The following PPL variants were observed in gnomAD, a reference collection of about 807,000 sequenced individuals.
PPL encodes the protein 190 kDa paraneoplastic pemphigus antigen.
Under a neutral mutation model 194.4 loss-of-function variants are expected in PPL, and 198 were observed. That is an observed-to-expected ratio of 1.02 (90% CI 0.91 to 1.15). PPL has a LOEUF of 1.15. Ranked by LOEUF, PPL falls within the 50% of genes most tolerant of loss-of-function variation. PPL has a pLI of 0.00. For missense variants in PPL, 2,885 were observed against 2,294.8 expected, an observed-to-expected ratio of 1.26 and a Z score of -5.25; for synonymous variants, 1,220 against 972.4, an observed-to-expected ratio of 1.25 and a Z score of -4.74.
chr16:4,896,692 T>C (rs1156532672), intron 9 of PPL, among the ~76,000 whole-genome samples: 1 of 144,778 alleles, frequency 6.9e-6, no homozygotes, highest in Non-Finnish European at 1.5e-5. Context: ...CAGGCTGGAG[T>C]GCAATGGCGC....
intron 14 of PPL, 30 bp downstream of exon 14, chr16:4,893,183 G>A: frequency 6.6e-7 from 1 of 1,509,838 alleles, no homozygotes; most frequent in Non-Finnish European, 8.9e-7. Context: ...GGCTCCCCCG[G>A]CCCCACCTGT....
Position 4,890,271 on chromosome 16 carries a change from C to T in PPL, c.2226G>A (p.Val742=). 1 of 1,614,208 alleles carries T rather than the reference C, an allele frequency of 6.2e-7. No individual in the cohort carries two copies. Among genetic ancestry groups the T allele is most frequent in the Non-Finnish European group, 8.5e-7 (1 of 1,180,032 alleles). The change falls in exon 18 of 22, where the codon GTG becomes GTA. Residue 742 remains valine (V), a synonymous_variant. Transcript: ENST00000345988. The stretch of plus-strand genomic sequence containing the variant: ...TGGGGATGCTGACTAGGAACTGCAG[C>T]ACGTGGTCATGGCCGCGGTGGAAGT... The part of the protein sequence containing the change: ...YEHFHRGHDH[V]LQFLVSIPSY...
At chr16:4,922,046 C>T (rs558268680) in intron 1 of PPL, among the ~76,000 whole-genome samples, 1 of 152,294 alleles carries the variant, frequency 6.6e-6, no homozygotes, top group East Asian at 1.9e-4. Flanking sequence ...GTCTCTCTTC[C>T]TGCTTTAATT....
chr16:4,915,347 G>A (rs971431853), intron 1 of PPL, among the ~76,000 whole-genome samples: 3 of 152,248 alleles, frequency 2.0e-5, no homozygotes, highest in African/African-American at 7.2e-5. Flanking sequence ...TCAGGCAAGT[G>A]CCCTACCCTC....
At position 4,926,387 on chromosome 16, in the gene PPL, C is replaced by T. The variant is rs540723664; in HGVS notation, c.62+10597G>A. ...AACAGGCCCTTCACCATTAACAAGCCCCCAGAGATATGAATTGTCCACATG... is the reference window on the plus strand; with the variant it reads ...AACAGGCCCTTCACCATTAACAAGCTCCCAGAGATATGAATTGTCCACATG... On this transcript the variant is annotated intron_variant, in intron 1 of 21. Coordinates refer to ENST00000345988, the MANE Select transcript of PPL (RefSeq NM_002705.5). 9.2e-5 allele frequency among the ~76,000 whole-genome samples: 14 copies of T among 152,278 alleles called. No individual in the cohort carries two copies. In the South Asian group the frequency reaches 2.3e-3, roughly 25 times the overall value.
chr16:4,926,893 C>CAAAAAA (rs906386976), intron 1 of PPL, among the ~76,000 whole-genome samples: 3 of 110,394 alleles, frequency 2.7e-5, no homozygotes, highest in Non-Finnish European at 5.2e-5. Flanking sequence ...AAAAAAAAAA[C>CAAAAAA]AAAAAAAAAC....
Position 4,883,586 on chromosome 16 carries a change from C to T in PPL, c.5069G>A (p.Ser1690Asn), listed in dbSNP as rs749502549. The stretch of plus-strand genomic sequence containing the variant: ...GATCTCCTCCCAGTCGCACTCCTGG[C>T]TTCTGAGTTTCACGAACATGTTCCA... ...IDWNMFVKLRSQECDWEEISV... is the reference protein window; with the variant it reads ...IDWNMFVKLRNQECDWEEISV... Residue 1690 changes from serine (S) to asparagine (N), a missense_variant, in exon 22 of 22, where the codon AGC becomes AAC. Physicochemically the swap from Ser to Asn is conservative, Grantham distance 46 (BLOSUM62 1). Coordinates refer to ENST00000345988, the MANE Select transcript of PPL (RefSeq NM_002705.5). The surrounding 1 kb of genome is among the most constrained non-coding windows in gnomAD (Gnocchi z 4.8). The T allele has an allele frequency of 3.7e-5, 60 of 1,614,074 alleles. No individual in the cohort carries two copies. In the East Asian group the frequency reaches 1.3e-3, roughly 35 times the overall value.
intron 6 of PPL, among the ~76,000 whole-genome samples, chr16:4,899,762 G>C (rs538847014): frequency 6.6e-6 from 1 of 152,176 alleles, no homozygotes; most frequent in Non-Finnish European, 1.5e-5. Flanking sequence ...ACCTCACAGC[G>C]TACAGAGACT....
In PPL at chr16:4,883,259, G is replaced by T; in HGVS notation, c.*125C>A. 2 of 1,338,682 alleles carry T rather than the reference G, an allele frequency of 1.5e-6. No homozygotes were observed. Among genetic ancestry groups the T allele is most frequent in the Non-Finnish European group, 2.1e-6 (2 of 970,112 alleles). The allele number at this position is 1,338,682 out of a possible 1,614,324, so 82.9% of individuals were successfully genotyped here. On this transcript the variant is annotated 3_prime_UTR_variant, in exon 22 of 22. Transcript: ENST00000345988. This position sits in a 1 kb window ranked among gnomAD's most constrained non-coding sequence, Gnocchi z 4.8. ...TGTGGGCGGGACTCTGAGCAGCCTG[G>T]CAGCGAGGGTATGTATAAAATGCTT... is the stretch of plus-strand genomic sequence containing the variant.
Position 4,882,958 on chromosome 16 carries a change from C to T in PPL, c.*426G>A, listed in dbSNP as rs1365932600. On this transcript the variant is annotated 3_prime_UTR_variant, in exon 22 of 22. Coordinates refer to ENST00000345988, the MANE Select transcript of PPL (RefSeq NM_002705.5). ...GAGAGATGTCATGCCAGGCAGCAGC[C>T]CCCACGGGCCCAGGCCTTTGTGGGG... The T allele has an allele frequency of 2.0e-5, 4 of 195,456 alleles. No homozygotes were observed. The highest frequency in any genetic ancestry group is 4.2e-5 in the Non-Finnish European group (4 of 95,984). The allele number at this position is 195,456 out of a possible 1,614,324, so 12.1% of individuals were successfully genotyped here.
chr16:4,900,939 C>T (rs2075635), intron 5 of PPL, 25 bp downstream of exon 5: 109,270 of 1,613,934 alleles, frequency 0.068, 4,086 homozygotes, highest in Non-Finnish European at 0.07. Context: ...TCCCTGGGTC[C>T]CCACCACACC....
chr16:4,888,769 C>T, intron 19 of PPL: 5 of 539,270 alleles, frequency 9.3e-6, no homozygotes, highest in East Asian at 2.7e-5. Flanking sequence ...TTTACTGCTT[C>T]AGAGTATAAA....
intron 1 of PPL, among the ~76,000 whole-genome samples, chr16:4,927,787 G>A (rs1459935297): frequency 1.3e-5 from 2 of 152,216 alleles, no homozygotes; most frequent in African/African-American, 2.4e-5. Flanking sequence ...AGGCCGCCCT[G>A]CCTCCAGGCC....
chr16:4,910,961 A>G lies in PPL; in HGVS notation c.63-12T>C. On this transcript the variant is annotated splice_polypyrimidine_tract_variant and intron_variant, in intron 1 of 21. Coordinates refer to ENST00000345988, the MANE Select transcript of PPL (RefSeq NM_002705.5). ...CCTTGTTAGAGATGCTGCGGGCAGA[A>G]GCCGAGGGGAGATGGGCGGGGTGCC... The G allele has an allele frequency of 6.2e-7, 1 of 1,608,142 alleles. No individual in the cohort carries two copies. The highest frequency in any genetic ancestry group is 8.5e-7 in the Non-Finnish European group (1 of 1,178,314).
Position 4,884,245 on chromosome 16 carries a change from C to T in PPL, c.4410G>A (p.Gln1470=). 2 of 1,613,436 alleles carry T rather than the reference C, an allele frequency of 1.2e-6. No individual in the cohort carries two copies. Among genetic ancestry groups the T allele is most frequent in the Non-Finnish European group, 1.7e-6 (2 of 1,179,864 alleles). The stretch of plus-strand genomic sequence containing the variant: ...CCCCCTCCAGGAGCTGCCGCCGGTG[C>T]TGCTCTTCTTCCAGCTGGAGTCGGA... ...ALLRLQLEEE[Q]HRRQLLEGEL... The change falls in exon 22 of 22, where the codon CAG becomes CAA. Residue 1470 remains glutamine (Q), a synonymous_variant. Transcript: ENST00000345988. The surrounding 1 kb of genome is among the most constrained non-coding windows in gnomAD (Gnocchi z 5.7).
intron 3 of PPL, among the ~76,000 whole-genome samples, chr16:4,903,539 G>C (rs1314001056): frequency 1.3e-5 from 2 of 152,066 alleles, no homozygotes; most frequent in East Asian, 3.9e-4. Flanking sequence ...GGCCAACATG[G>C]AGAAACCCTG....
chr16:4,891,481 G>T (rs1212029949), intron 16 of PPL: 2 of 201,132 alleles, frequency 9.9e-6, no homozygotes, highest in Non-Finnish European at 1.9e-5. Flanking sequence ...GTCTTGCAAC[G>T]TTGTCCAGGC....
chr16:4,892,244 C>A, intron 14 of PPL, 31 bp from the exon 15 acceptor site: 1 of 1,592,020 alleles, frequency 6.3e-7, no homozygotes, highest in African/African-American at 1.3e-5. Flanking sequence ...CAGTTTTGGA[C>A]ACAGCCAGGC....
At position 4,910,965 on chromosome 16, in the gene PPL, G is replaced by A. The variant is rs760985172; in HGVS notation, c.63-16C>T. ...GTTAGAGATGCTGCGGGCAGAAGCC[G>A]AGGGGAGATGGGCGGGGTGCCTGGT... On this transcript the variant is annotated splice_polypyrimidine_tract_variant and intron_variant, in intron 1 of 21. Transcript: ENST00000345988. 1.5e-5 allele frequency: 24 copies of A among 1,605,322 alleles called. No individual in the cohort carries two copies. The Admixed American group carries it at 1.7e-4, about 11-fold the overall frequency.
Sources: allele counts gnomAD v4.1 joint callset (sites outside exome capture counted in the v4.1 genomes callset), GRCh38; gene constraint gnomAD v4.1.1; non-coding constraint Gnocchi (gnomAD v3.1); transcripts MANE v1.5; gene names NCBI Gene and HGNC (gene_info 2026-07-23, HGNC 2026-07-21).